TPRX1: variants seen among roughly 807,000 people sequenced by gnomAD.
TPRX1 encodes tetra-peptide repeat homeobox protein 1.
In TPRX1, 2 loss-of-function variants were observed where a neutral mutation model predicts 8.1. The ratio of observed to expected loss-of-function variants is 0.25; its 90% CI spans 0.10 to 0.78. The LOEUF (loss-of-function observed/expected upper bound fraction) is 0.78, where lower values mean the gene tolerates loss of function less well. TPRX1 is among the 30% of genes least tolerant of loss of function. The pLI, the probability that TPRX1 is intolerant of heterozygous loss-of-function variation, is 0.70. For missense variants in TPRX1, 517 were observed against 586.9 expected, an observed-to-expected ratio of 0.88 and a Z score of 1.23; for synonymous variants, 257 against 254.1, an observed-to-expected ratio of 1.01 and a Z score of -0.11.
chr19:47,817,474 G>C (rs150023921), intron 2 of TPRX1, among the ~76,000 whole-genome samples: 397 of 152,278 alleles, frequency 2.6e-3, no homozygotes, highest in African/African-American at 8.8e-3. Context: ...TAGGATGCTC[G>C]CCACAGCCCC....
At chr19:47,815,752 C>T (rs1306219214) in intron 2 of TPRX1, among the ~76,000 whole-genome samples, 1 of 150,394 alleles carries the variant, frequency 6.6e-6, no homozygotes, top group Non-Finnish European at 1.5e-5. Context: ...GTTGAGGCTT[C>T]AGTCAGCCGA....
At chr19:47,806,633 G>A (rs956053405) in intron 2 of TPRX1, among the ~76,000 whole-genome samples, 1 of 152,168 alleles carries the variant, frequency 6.6e-6, no homozygotes, top group Non-Finnish European at 1.5e-5. Flanking sequence ...GCTCTGATAC[G>A]TGCTACAACA....
chr19:47,809,642 G>A (rs958074767), intron 2 of TPRX1, among the ~76,000 whole-genome samples: 13 of 152,094 alleles, frequency 8.5e-5, no homozygotes, highest in Non-Finnish European at 1.3e-4. Flanking sequence ...CAGAGATGAC[G>A]CGGAATGTCT....
chr19:47,805,114 C>G (rs1967723769), intron 2 of TPRX1, among the ~76,000 whole-genome samples: 1 of 152,220 alleles, frequency 6.6e-6, no homozygotes, highest in African/African-American at 2.4e-5. Flanking sequence ...TAGGTGTAAG[C>G]AGAGCTTAGT....
intron 2 of TPRX1, chr19:47,818,421 T>G: frequency 2.2e-6 from 1 of 451,668 alleles, no homozygotes. Context: ...CATCCCTCCG[T>G]CCATCCATCC....
intron 2 of TPRX1, among the ~76,000 whole-genome samples, chr19:47,815,646 C>CAAAA (rs34265596): frequency 0.07 from 4,236 of 60,224 alleles, 343 homozygotes; most frequent in Non-Finnish European, 0.096. Context: ...CCCGTCTCTA[C>CAAAA]AAAAAAAAAA....
At chr19:47,802,018 G>A (rs760471032) in exon 4 of TPRX1, 2 of 1,611,942 alleles carry the variant, frequency 1.2e-6, no homozygotes, top group Non-Finnish European at 1.7e-6. Flanking sequence ...GCCATAAGGG[G>A]GCTGGGGCTG....
chr19:47,818,042 A>G (rs1416959074), intron 2 of TPRX1, among the ~76,000 whole-genome samples: 2 of 152,146 alleles, frequency 1.3e-5, no homozygotes, highest in East Asian at 1.9e-4. Flanking sequence ...GAACAATATG[A>G]TCCCTGAAGC....
chr19:47,811,777 G>A (rs1052073739), intron 2 of TPRX1, among the ~76,000 whole-genome samples: 2 of 151,854 alleles, frequency 1.3e-5, no homozygotes, highest in Admixed American at 6.6e-5. Flanking sequence ...GATTACAGGC[G>A]TGAGCCACCG....
chr19:47,813,169 C>A (rs926072415), intron 2 of TPRX1, among the ~76,000 whole-genome samples: 5 of 145,846 alleles, frequency 3.4e-5, no homozygotes, highest in Admixed American at 2.1e-4. Context: ...CCCCCCCACC[C>A]CGCCAAAATT....
chr19:47,808,791 A>G (rs1599953530), intron 2 of TPRX1, among the ~76,000 whole-genome samples: 1 of 152,146 alleles, frequency 6.6e-6, no homozygotes, highest in Non-Finnish European at 1.5e-5. Context: ...TCCTGGGAAA[A>G]TACTTGCTCC....
exon 4 of TPRX1, chr19:47,802,836 G>A (rs1568614090): frequency 1.2e-6 from 2 of 1,600,406 alleles, no homozygotes; most frequent in Non-Finnish European, 1.7e-6. Flanking sequence ...ATTCCCGAGG[G>A]GCCCCGCTGA....
intron 2 of TPRX1, among the ~76,000 whole-genome samples, chr19:47,816,514 C>T (rs1289976651): frequency 6.6e-6 from 1 of 151,092 alleles, no homozygotes; most frequent in African/African-American, 2.4e-5. Flanking sequence ...GCCTTGGCCT[C>T]CCAAACCCCT....
chr19:47,812,714 G>T (rs1443665091), intron 2 of TPRX1, among the ~76,000 whole-genome samples: 2 of 151,930 alleles, frequency 1.3e-5, no homozygotes, highest in African/African-American at 4.8e-5. Flanking sequence ...TTAAAAGAGA[G>T]AAACAGAATA....
chr19:47,813,108 AAAATAAAT>A (rs373835462), intron 2 of TPRX1, among the ~76,000 whole-genome samples: 8,733 of 134,112 alleles, frequency 0.065, 366 homozygotes, highest in Middle Eastern at 0.098. Flanking sequence ...CTGTGTCTCA[AAAATAAAT>A]AAATAAATAA....
At chr19:47,801,865 C>T (rs1458834262) in exon 4 of TPRX1, 3 of 1,614,094 alleles carry the variant, frequency 1.9e-6, no homozygotes, top group Admixed American at 3.3e-5. Context: ...GTTTTTTGCC[C>T]ATAGAGTCAT....
chr19:47,802,406 G>C lies in TPRX1; in HGVS notation c.896C>G (p.Pro299Arg). 2.3e-6 allele frequency: 3 copies of C among 1,296,956 alleles called. No individual in the cohort carries two copies. Among genetic ancestry groups the C allele is most frequent in the Middle Eastern group, 2.0e-4 (1 of 4,990 alleles). 80.3% of individuals were successfully genotyped at this position (1,296,956 alleles called of 1,614,324 possible). Reference sequence around the variant, plus strand: ...TGGGCCTGGGATCGGGCCTGGGATCGGGACTGAGATTGGGCCTGGGATCGG... The same window carrying C: ...TGGGCCTGGGATCGGGCCTGGGATCCGGACTGAGATTGGGCCTGGGATCGG... Residue 299 changes from proline to arginine, a missense_variant, in exon 4 of 4, where the codon CCG (proline) becomes CGG (arginine). By Grantham distance (103) the Pro-to-Arg change is moderately radical. Coordinates refer to ENST00000535759, the Ensembl canonical transcript of TPRX1.
chr19:47,815,164 T>TATATA lies in TPRX1; in HGVS notation c.151+3303_151+3304insTATAT, dbSNP rs1228376903. ...TATATGCAAATATATATATATATATTTTTTTTTTTTGAGACAGTCTTGCTA... is the reference window on the plus strand; with the variant it reads ...TATATGCAAATATATATATATATATTATATATTTTTTTTTTGAGACAGTCTTGCTA... On this transcript the variant is annotated intron_variant, in intron 2 of 3. Transcript: ENST00000535759. Among the ~76,000 whole-genome samples, 7 of 49,910 alleles carry TATATA rather than the reference T, an allele frequency of 1.4e-4. 1 individual carries two copies. The highest frequency in any genetic ancestry group is 5.6e-4 in the African/African-American group (7 of 12,514). 32.7% of individuals were successfully genotyped at this position (49,910 alleles called of 152,430 possible).
At chr19:47,811,099 G>A (rs970920519) in intron 2 of TPRX1, among the ~76,000 whole-genome samples, 2 of 151,234 alleles carry the variant, frequency 1.3e-5, no homozygotes, top group African/African-American at 2.4e-5. Context: ...TGCCTCCCGG[G>A]TTCAAGGGAT....
Sources: allele counts gnomAD v4.1 joint callset (sites outside exome capture counted in the v4.1 genomes callset), GRCh38; gene constraint gnomAD v4.1.1; transcripts MANE v1.5; gene names NCBI Gene and HGNC (gene_info 2026-07-23, HGNC 2026-07-21).